Variants in DLG2 observed in about 807,000 individuals in gnomAD.
DLG2 encodes the protein disks large homolog 2.
Under a neutral mutation model 132.5 loss-of-function variants are expected in DLG2, and 45 were observed. The observed-to-expected ratio is 0.34, with a 90% confidence interval of 0.27 to 0.44. The LOEUF (loss-of-function observed/expected upper bound fraction) is 0.44, where lower values mean the gene tolerates loss of function less well. Among genes scored for constraint, DLG2 ranks in the 20% least tolerant of loss-of-function variants. DLG2 has a pLI of 1.00. For synonymous variants in DLG2, 424 were observed against 419.6 expected, an observed-to-expected ratio of 1.01 and a Z score of -0.13; for missense variants, 1,045 against 1,196.9, an observed-to-expected ratio of 0.87 and a Z score of 1.87.
At chr11:85,082,858 A>T (rs2067431010) in intron 6 of DLG2, among the ~76,000 whole-genome samples, 1 of 151,940 alleles carries the variant, frequency 6.6e-6, no homozygotes, top group South Asian at 2.1e-4. Context: ...AATGAAAGAA[A>T]GTTCAAAACA....
At chr11:84,120,740 C>T (rs2093870883) in intron 9 of DLG2, among the ~76,000 whole-genome samples, 1 of 152,130 alleles carries the variant, frequency 6.6e-6, no homozygotes, top group Non-Finnish European at 1.5e-5. Flanking sequence ...TTATGGCAAC[C>T]AACAAAATAG....
chr11:84,218,220 A>G (rs991141972), intron 8 of DLG2, among the ~76,000 whole-genome samples: 24 of 149,316 alleles, frequency 1.6e-4, no homozygotes, highest in African/African-American at 5.7e-4. Flanking sequence ...GGAAGGAAAG[A>G]AAGGAAGGAA....
intron 7 of DLG2, among the ~76,000 whole-genome samples, chr11:84,291,456 C>T (rs2097996428): frequency 6.6e-6 from 1 of 152,016 alleles, no homozygotes; most frequent in Non-Finnish European, 1.5e-5. Flanking sequence ...TATATATCCC[C>T]TCATTGAAAA....
intron 18 of DLG2, among the ~76,000 whole-genome samples, chr11:83,749,814 G>A (rs2093182625): frequency 6.6e-6 from 1 of 152,158 alleles, no homozygotes; most frequent in African/African-American, 2.4e-5. Flanking sequence ...CTATGGGTAT[G>A]TTTGTAAACA....
chr11:83,975,592 A>G (rs71465581), intron 12 of DLG2, among the ~76,000 whole-genome samples: 6,464 of 152,050 alleles, frequency 0.043, 196 homozygotes, highest in Non-Finnish European at 0.067. Flanking sequence ...ATACTATTAC[A>G]TGGAATTTTT....
At chr11:84,082,330 G>A (rs1209758852) in intron 10 of DLG2, among the ~76,000 whole-genome samples, 1 of 152,142 alleles carries the variant, frequency 6.6e-6, no homozygotes, top group Non-Finnish European at 1.5e-5. Flanking sequence ...ATAATAAATA[G>A]AGGCTTTTAG....
At chr11:84,160,815 T>A (rs553607019) in intron 9 of DLG2, among the ~76,000 whole-genome samples, 86 of 152,142 alleles carry the variant, frequency 5.7e-4, no homozygotes, top group Non-Finnish European at 9.9e-4. Flanking sequence ...TTCATTGCCA[T>A]GGGAGAATAT....
At chr11:85,059,113 T>C (rs922881586) in intron 6 of DLG2, among the ~76,000 whole-genome samples, 1 of 151,392 alleles carries the variant, frequency 6.6e-6, no homozygotes, top group African/African-American at 2.4e-5. Context: ...ACATCCAAAA[T>C]AGGACTCATA....
At chr11:83,710,937 C>T (rs2085267851) in intron 18 of DLG2, among the ~76,000 whole-genome samples, 1 of 152,112 alleles carries the variant, frequency 6.6e-6, no homozygotes, top group Non-Finnish European at 1.5e-5. Context: ...TTTCATGGAG[C>T]ACTAACTGTA....
chr11:84,416,630 A>T (rs534963790), intron 7 of DLG2, among the ~76,000 whole-genome samples: 1 of 152,322 alleles, frequency 6.6e-6, no homozygotes, highest in South Asian at 2.1e-4. Flanking sequence ...CTGGTCTATC[A>T]CTTAACTGTG....
chr11:84,654,952 C>A (rs1386015725), intron 6 of DLG2, among the ~76,000 whole-genome samples: 1 of 152,146 alleles, frequency 6.6e-6, no homozygotes, highest in Non-Finnish European at 1.5e-5. Context: ...GGGAAACTCA[C>A]TTTTTTCTAT....
At chr11:84,629,348 T>G (rs1173175736) in intron 6 of DLG2, among the ~76,000 whole-genome samples, 2 of 152,238 alleles carry the variant, frequency 1.3e-5, no homozygotes, top group Non-Finnish European at 2.9e-5. Context: ...TTCCTTTTTT[T>G]GTTGTTTTTA....
At chr11:85,335,687 T>C (rs1005846609) in intron 3 of DLG2, among the ~76,000 whole-genome samples, 1 of 152,044 alleles carries the variant, frequency 6.6e-6, no homozygotes, top group Non-Finnish European at 1.5e-5. Context: ...TGGCTGGATA[T>C]AAAATGCTTG....
intron 10 of DLG2, among the ~76,000 whole-genome samples, chr11:84,075,867 T>C (rs2096823481): frequency 3.3e-5 from 5 of 152,228 alleles, no homozygotes; most frequent in Admixed American, 3.3e-4. Context: ...GGTGACATTT[T>C]ATGATTTCAT....
chr11:84,127,350 T>C (rs1327323832), intron 9 of DLG2, among the ~76,000 whole-genome samples: 1 of 152,186 alleles, frequency 6.6e-6, no homozygotes, highest in Admixed American at 6.6e-5. Flanking sequence ...TACATTTAGC[T>C]CCGAATTAAC....
intron 7 of DLG2, among the ~76,000 whole-genome samples, chr11:84,446,366 C>T (rs748784095): frequency 1.3e-5 from 2 of 152,092 alleles, no homozygotes; most frequent in African/African-American, 2.4e-5. Flanking sequence ...AACGTCTAAT[C>T]TCACTGGTTT....
At chr11:85,114,753 A>G (rs1247188391) in intron 5 of DLG2, among the ~76,000 whole-genome samples, 1 of 151,978 alleles carries the variant, frequency 6.6e-6, no homozygotes, top group East Asian at 1.9e-4. Context: ...ATATGTAACT[A>G]CAAAGAACTC....
chr11:85,027,602 T>G (rs558174936), intron 6 of DLG2, among the ~76,000 whole-genome samples: 26 of 152,322 alleles, frequency 1.7e-4, no homozygotes, highest in African/African-American at 5.5e-4. Context: ...GTCCAGCCAC[T>G]GTGCACAGCC....
At chr11:84,241,069 C>T (rs1840577684) in intron 8 of DLG2, among the ~76,000 whole-genome samples, 1 of 152,224 alleles carries the variant, frequency 6.6e-6, no homozygotes, top group Non-Finnish European at 1.5e-5. Flanking sequence ...CTTCCCTCTT[C>T]TTGGAATGCC....
Sources: allele counts gnomAD v4.1 joint callset (sites outside exome capture counted in the v4.1 genomes callset), GRCh38; gene constraint gnomAD v4.1.1; transcripts MANE v1.5; gene names NCBI Gene and HGNC (gene_info 2026-07-23, HGNC 2026-07-21).